The following BTBD7 variants were observed in gnomAD, a reference collection of about 807,000 sequenced individuals.
BTBD7 encodes the protein BTB/POZ domain-containing protein 7.
Under a neutral mutation model 99.9 loss-of-function variants are expected in BTBD7, and 38 were observed. The ratio of observed to expected loss-of-function variants is 0.38; its 90% CI spans 0.29 to 0.50. The LOEUF is 0.50. Ranked by LOEUF, BTBD7 falls within the 20% of genes least tolerant of loss-of-function variation. BTBD7 has a pLI of 0.93. For missense variants in BTBD7, 1,170 were observed against 1,394.6 expected (o/e 0.84, Z 2.57); for synonymous variants, 520 against 511.4 (o/e 1.02, Z -0.23).
At chr14:93,275,937 T>C (rs2052651653) in intron 3 of BTBD7, among the ~76,000 whole-genome samples, 1 of 152,152 alleles carries the variant, frequency 6.6e-6, no homozygotes, top group African/African-American at 2.4e-5. Flanking sequence ...GTCTTGGCCA[T>C]GCATGGTGGC....
chr14:93,280,923 G>A (rs1039473975), intron 3 of BTBD7, among the ~76,000 whole-genome samples: 16 of 150,296 alleles, frequency 1.1e-4, no homozygotes, highest in Non-Finnish European at 2.1e-4. Flanking sequence ...CCTTGACCTC[G>A]GTGGACTCAA....
At position 93,237,780 on chromosome 14, in the gene BTBD7, A is replaced by G. The variant is rs1250067102; in HGVS notation, c.*4493T>C. 1 of 152,678 alleles carries G rather than the reference A, an allele frequency of 6.5e-6. No individual in the cohort carries two copies. The highest frequency in any genetic ancestry group is 1.5e-5 in the Non-Finnish European group (1 of 68,034). 9.5% of individuals were successfully genotyped at this position (152,678 alleles called of 1,614,324 possible). ...CTTTAAAAATCACTATGTACAATTG[A>G]AGCGTAAACAAGTTTTACAAAGTAC... is the stretch of plus-strand genomic sequence containing the variant. On this transcript the variant is annotated 3_prime_UTR_variant, in exon 11 of 11. Transcript: ENST00000334746.
chr14:93,297,522 C>T (rs1403544232), intron 1 of BTBD7, among the ~76,000 whole-genome samples: 1 of 152,090 alleles, frequency 6.6e-6, no homozygotes, highest in East Asian at 1.9e-4. Context: ...GGGGTTTCAC[C>T]ATGTTGGCCA....
chr14:93,328,175 T>C (rs1020842783), intron 1 of BTBD7, among the ~76,000 whole-genome samples: 2 of 152,190 alleles, frequency 1.3e-5, no homozygotes, highest in Non-Finnish European at 1.5e-5. Flanking sequence ...AGTATTTAGA[T>C]GTCAACATTA....
chr14:93,271,732 T>C (rs7140745), intron 3 of BTBD7, among the ~76,000 whole-genome samples: 29,946 of 152,138 alleles, frequency 0.2, 4,406 homozygotes, highest in African/African-American at 0.42. Context: ...TGTCCAGGTG[T>C]GATGGCTCAC....
rs142837103 is a variant in BTBD7, at chr14:93,251,493, G to A, written c.1912C>T (p.Pro638Ser). ...HQQISSNQSS[P>S]PSVVANEIPV... is the part of the protein sequence containing the mutation. ...ATTTCGTTGGCTACAACTGAAGGAG[G>A]GCTTGACTGGTTGCTGCTGATCTGC... Residue 638 changes from proline to serine, a missense_variant, in exon 8 of 11, where the codon CCT (proline) becomes TCT (serine). By Grantham distance (74) the Pro-to-Ser change is moderately conservative (BLOSUM62 -1). Around this residue, in one of 4 missense-constraint regions of BTBD7, gnomAD observed 309 missense variants for 342.0 expected, o/e 0.90. Coordinates refer to ENST00000334746, the MANE Select transcript of BTBD7 (RefSeq NM_001002860.4). 1.0e-5 allele frequency: 16 copies of A among 1,605,736 alleles called. No individual in the cohort carries two copies. In the African/African-American group the frequency reaches 2.1e-4, roughly 21 times the overall value.
intron 10 of BTBD7, 116 bp from the exon 11 acceptor site, chr14:93,243,204 T>A: frequency 9.6e-7 from 1 of 1,037,636 alleles, no homozygotes; most frequent in South Asian, 1.7e-5. Flanking sequence ...GTTTTTGTTT[T>A]TTTTTTTGAG....
intron 1 of BTBD7, among the ~76,000 whole-genome samples, chr14:93,326,765 T>C (rs2053338865): frequency 6.7e-6 from 1 of 149,254 alleles, no homozygotes; most frequent in African/African-American, 2.5e-5. Context: ...GATCACGCCA[T>C]TGCGCTCCAG....
chr14:93,245,936 C>A lies in BTBD7; in HGVS notation c.2472G>T (p.Pro824=), dbSNP rs558241574. The A allele has an allele frequency of 1.2e-6, 2 of 1,614,074 alleles. No individual in the cohort carries two copies. Among genetic ancestry groups the A allele is most frequent in the Non-Finnish European group, 8.5e-7 (1 of 1,180,000 alleles). The change falls in exon 10 of 11, where the codon CCG becomes CCT. Residue 824 remains proline (P), a synonymous_variant. Transcript: ENST00000334746. ...PVYLPSVKAA[P]PDCTSTAGLG... is the part of the protein sequence containing the mutation. Reference sequence around the variant, plus strand: ...GTCCTGCAGTGCTGGTACAATCAGGCGGTGCAGCTTTCACACTCGGCAAGT... The same window carrying A: ...GTCCTGCAGTGCTGGTACAATCAGGAGGTGCAGCTTTCACACTCGGCAAGT...
intron 1 of BTBD7, among the ~76,000 whole-genome samples, chr14:93,310,770 CTT>C (rs56756515): frequency 1.5e-4 from 17 of 116,658 alleles, no homozygotes; most frequent in Admixed American, 2.7e-4. Flanking sequence ...AACCAAAAAA[CTT>C]TTTTTTTTTT....
chr14:93,293,393 C>T (rs2052881837), intron 3 of BTBD7, among the ~76,000 whole-genome samples: 1 of 152,124 alleles, frequency 6.6e-6, no homozygotes, highest in Admixed American at 6.5e-5. Context: ...AAATCAGAAA[C>T]CCTGCCCAAT....
At position 93,305,059 on chromosome 14, in the gene BTBD7, T is replaced by G. The variant is rs537206983; in HGVS notation, c.-106-8902A>C. ...GCATGTGACTAGCCCTATGAATTAT[T>G]CAAATTCTTATAAATAAGAAGACAA... is the stretch of plus-strand genomic sequence containing the variant. On this transcript the variant is annotated intron_variant, in intron 1 of 10. Coordinates refer to ENST00000334746, the MANE Select transcript of BTBD7 (RefSeq NM_001002860.4). Among the ~76,000 whole-genome samples, 11 of 152,354 alleles carry G rather than the reference T, an allele frequency of 7.2e-5. 1 individual carries two copies. Among genetic ancestry groups the G allele is most frequent in the Admixed American group, 6.5e-4 (10 of 15,304 alleles).
Position 93,240,893 on chromosome 14 carries a change from CTGT to C in BTBD7, c.*1377_*1379del, listed in dbSNP as rs2052218123. 6.6e-6 allele frequency: 1 copy of C among 152,472 alleles called. No homozygotes were observed. The highest frequency in any genetic ancestry group is 1.5e-5 in the Non-Finnish European group (1 of 67,978). 9.4% of individuals were successfully genotyped at this position (152,472 alleles called of 1,614,324 possible). On this transcript the variant is annotated 3_prime_UTR_variant, in exon 11 of 11. Transcript: ENST00000334746. ...CTGAAAACAATTTTTTTCCTTTTTT[CTGT>C]TGGTGAGAAAGCATTATGCATTACA... is the stretch of plus-strand genomic sequence containing the variant.
chr14:93,331,906 G>A (rs2053429114), intron 1 of BTBD7, among the ~76,000 whole-genome samples: 1 of 146,254 alleles, frequency 6.8e-6, no homozygotes, highest in Admixed American at 6.8e-5. Context: ...GTTGTTAGTT[G>A]AAAAAGCTAA....
chr14:93,305,970 T>C (rs895329877), intron 1 of BTBD7, among the ~76,000 whole-genome samples: 1 of 152,180 alleles, frequency 6.6e-6, no homozygotes, highest in African/African-American at 2.4e-5. Context: ...ACCCTGATGA[T>C]TTTATCTAAT....
chr14:93,330,730 T>C (rs2053392574), intron 1 of BTBD7, among the ~76,000 whole-genome samples: 1 of 152,222 alleles, frequency 6.6e-6, no homozygotes, highest in South Asian at 2.1e-4. Context: ...TAATTTTGGA[T>C]GTGTGAGCTT....
chr14:93,315,951 CT>C (rs35850952), intron 1 of BTBD7, among the ~76,000 whole-genome samples: 80,301 of 124,716 alleles, frequency 0.64, 24,162 homozygotes, highest in African/African-American at 0.71. Context: ...CAAAATGTAT[CT>C]TTTTTTTTTT....
At chr14:93,315,544 A>G (rs771786589) in intron 1 of BTBD7, among the ~76,000 whole-genome samples, 16 of 152,200 alleles carry the variant, frequency 1.1e-4, no homozygotes, top group Non-Finnish European at 2.2e-4. Flanking sequence ...ATCACCCCCT[A>G]AAAGAAGTTC....
intron 3 of BTBD7, among the ~76,000 whole-genome samples, chr14:93,266,762 T>C (rs934949782): frequency 1.3e-5 from 2 of 152,148 alleles, no homozygotes; most frequent in East Asian, 1.9e-4. Context: ...TTCTATAAGA[T>C]GGTAACAGAG....
Sources: gnomAD v4.1 joint callset for allele counts (sites outside exome capture counted in the v4.1 genomes callset) on GRCh38, gnomAD v4.1.1 for gene constraint, gnomAD v4.1.1 regional missense constraint, MANE v1.5 for transcripts, NCBI Gene and HGNC (gene_info 2026-07-23, HGNC 2026-07-21) for gene names.